Variants in SETD2 observed in about 807,000 individuals in gnomAD.
The protein encoded by SETD2 is SET domain containing 2, histone lysine methyltransferase, also known as histone-lysine N-methyltransferase SETD2.
In SETD2, 31 loss-of-function variants were observed where a neutral mutation model predicts 242.1. The ratio of observed to expected loss-of-function variants is 0.13; its 90% CI spans 0.10 to 0.17. The LOEUF is 0.17. Among genes scored for constraint, SETD2 ranks in the 10% least tolerant of loss-of-function variants. SETD2 has a pLI of 1.00. For synonymous variants in SETD2, 1,006 were observed against 1,066.5 expected, an observed-to-expected ratio of 0.94 and a Z score of 1.11; for missense variants, 2,481 against 3,046.3, an observed-to-expected ratio of 0.81 and a Z score of 4.37.
At chr3:47,070,948 C>CTGG (rs2040793551) in intron 12 of SETD2, among the ~76,000 whole-genome samples, 1 of 152,086 alleles carries the variant, frequency 6.6e-6, no homozygotes, top group Admixed American at 6.6e-5. Flanking sequence ...GTTGCCCAGG[C>CTGG]TGGTCTCAAA....
intron 12 of SETD2, among the ~76,000 whole-genome samples, chr3:47,068,804 G>C (rs1403083897): frequency 6.7e-6 from 1 of 150,272 alleles, no homozygotes; most frequent in East Asian, 2.0e-4. Flanking sequence ...CTATCTTTTT[G>C]TTTTGTTTTG....
chr3:47,048,026 T>C (rs1254403578), intron 15 of SETD2, among the ~76,000 whole-genome samples: 1 of 152,194 alleles, frequency 6.6e-6, no homozygotes, highest in East Asian at 1.9e-4. Context: ...AATAAAGACT[T>C]GTAAGCAACT....
chr3:47,051,713 G>C (rs2039851551), intron 15 of SETD2, among the ~76,000 whole-genome samples: 2 of 150,998 alleles, frequency 1.3e-5, no homozygotes, highest in South Asian at 4.2e-4. Flanking sequence ...AAAAAAGCTA[G>C]TTCGAATTCT....
intron 9 of SETD2, among the ~76,000 whole-genome samples, chr3:47,096,444 T>C (rs977292974): frequency 6.6e-6 from 1 of 152,170 alleles, no homozygotes; most frequent in Non-Finnish European, 1.5e-5. Context: ...TGGTAGCTCA[T>C]GCCTGTAATC....
At chr3:47,045,386 C>T (rs1246343955) in intron 16 of SETD2, among the ~76,000 whole-genome samples, 3 of 151,940 alleles carry the variant, frequency 2.0e-5, no homozygotes, top group South Asian at 2.1e-4. Flanking sequence ...GGCGTGGTGG[C>T]GGGCGCCTGT....
At chr3:47,074,127 T>C (rs2040947426) in intron 12 of SETD2, among the ~76,000 whole-genome samples, 2 of 152,182 alleles carry the variant, frequency 1.3e-5, no homozygotes, top group African/African-American at 4.8e-5. Flanking sequence ...TACAGTAAAA[T>C]AATATGCAGT....
rs200185785 is a variant in SETD2, at chr3:47,122,513, G to A, written c.2123C>T (p.Ser708Phe). ...AAGCATGCATGCTTTGACCAAAGGG[G>A]ATAATTCCGATCCAGTCACACTATC... Reference protein sequence around the residue: ...SDDSVTGSELSPLVKACMLSS... With the variant: ...SDDSVTGSELFPLVKACMLSS... Residue 708 changes from serine (S) to phenylalanine (F), a missense_variant, in exon 3 of 21, where the codon TCC becomes TTC. Around this residue, in one of 17 missense-constraint regions of SETD2, gnomAD observed 1,300 missense variants for 1,259.2 expected, o/e 1.03. Coordinates refer to ENST00000409792, the MANE Select transcript of SETD2 (RefSeq NM_014159.7). The A allele has an allele frequency of 1.7e-5, 28 of 1,614,058 alleles. No individual in the cohort carries two copies. Among genetic ancestry groups the A allele is most frequent in the African/African-American group, 4.0e-5 (3 of 75,050 alleles).
At chr3:47,039,289 A>G (rs999336352) in intron 17 of SETD2, among the ~76,000 whole-genome samples, 17 of 151,636 alleles carry the variant, frequency 1.1e-4, no homozygotes, top group African/African-American at 3.9e-4. Context: ...ATCTCAGCTC[A>G]CTGCAACCTC....
At chr3:47,138,863 T>C (rs1179342387) in intron 1 of SETD2, among the ~76,000 whole-genome samples, 1 of 152,220 alleles carries the variant, frequency 6.6e-6, no homozygotes, top group African/African-American at 2.4e-5. Flanking sequence ...CTAGTTAAGC[T>C]GCTTTTACAC....
intron 16 of SETD2, among the ~76,000 whole-genome samples, chr3:47,043,362 G>A (rs2039371919): frequency 6.6e-6 from 1 of 152,136 alleles, no homozygotes; most frequent in African/African-American, 2.4e-5. Context: ...GACACCAGAG[G>A]ACACTCACAG....
chr3:47,062,198 A>C lies in SETD2; in HGVS notation c.6258T>G (p.Ser2086=), dbSNP rs2107588837. Residue 2086 remains serine (S), a synonymous_variant, in exon 14 of 21, where the codon TCT becomes TCG. Transcript: ENST00000409792. ...GCCTTTTTGTTCCCCGCTCATAGGC[A>C]GAAGAGGGTGGTGAGAGGGAGCTTC... The part of the protein sequence containing the change: ...KRRSSLSPPS[S]AYERGTKRPD... 6.2e-7 allele frequency: 1 copy of C among 1,614,106 alleles called. No individual in the cohort carries two copies. Among genetic ancestry groups the C allele is most frequent in the Non-Finnish European group, 8.5e-7 (1 of 1,180,016 alleles).
At chr3:47,094,806 A>T (rs533828436) in intron 9 of SETD2, among the ~76,000 whole-genome samples, 1 of 152,204 alleles carries the variant, frequency 6.6e-6, no homozygotes, top group Non-Finnish European at 1.5e-5. Context: ...CTTCAAATTC[A>T]TATCTGGAGC....
In SETD2 at chr3:47,120,561, A is replaced by G. The variant is rs369469691; in HGVS notation, c.4075T>C (p.Ser1359Pro). 46 of 1,613,998 alleles carry G rather than the reference A, an allele frequency of 2.9e-5. No individual in the cohort carries two copies. The highest frequency in any genetic ancestry group is 5.0e-5 in the Admixed American group (3 of 59,986). ...ACTGACCCCTTGTCTTTCTGAAGGG[A>G]TAGAAGAAATTTATCGGACTGGTCT... ...FSDQSDKFLL[S>P]LQKDKGSVQA... is the part of the protein sequence containing the mutation. The change falls in exon 3 of 21, where the codon TCC becomes CCC. Residue 1359 changes from serine (S) to proline (P), a missense_variant. Physicochemically the swap from Ser to Pro is moderately conservative, Grantham distance 74 (BLOSUM62 -1). Around this residue, in one of 17 missense-constraint regions of SETD2, gnomAD observed 1,300 missense variants for 1,259.2 expected, o/e 1.03. Coordinates refer to ENST00000409792, the MANE Select transcript of SETD2 (RefSeq NM_014159.7).
chr3:47,145,431 C>T, intron 1 of SETD2: 3 of 320,914 alleles, frequency 9.3e-6, no homozygotes, highest in Non-Finnish European at 2.0e-5. Flanking sequence ...TGCTTTGTTG[C>T]CCAGGCTGGA....
chr3:47,109,701 T>A (rs2042575676), intron 5 of SETD2, among the ~76,000 whole-genome samples: 1 of 152,082 alleles, frequency 6.6e-6, no homozygotes, highest in Admixed American at 6.5e-5. Context: ...AAAGCCTCAT[T>A]TCGGCCAGCC....
chr3:47,153,839 G>A (rs2106832748), intron 1 of SETD2, among the ~76,000 whole-genome samples: 1 of 151,416 alleles, frequency 6.6e-6, no homozygotes, highest in South Asian at 2.1e-4. Flanking sequence ...AGTAAGGCAG[G>A]AATAAAAATT....
At chr3:47,161,160 A>G (rs1697479699) in intron 1 of SETD2, among the ~76,000 whole-genome samples, 1 of 152,138 alleles carries the variant, frequency 6.6e-6, no homozygotes, top group African/African-American at 2.4e-5. Flanking sequence ...CTCAACTTAA[A>G]TCCTACCTTT....
chr3:47,142,382 G>A (rs1375593674), intron 1 of SETD2, among the ~76,000 whole-genome samples: 2 of 151,978 alleles, frequency 1.3e-5, no homozygotes, highest in African/African-American at 2.4e-5. Context: ...GATGGTGTGC[G>A]CCTGTAGTCC....
In SETD2 at chr3:47,016,890, C is replaced by T; in HGVS notation, c.*203G>A. 1 of 562,982 alleles carries T rather than the reference C, an allele frequency of 1.8e-6. No homozygotes were observed. Among genetic ancestry groups the T allele is most frequent in the Non-Finnish European group, 3.2e-6 (1 of 317,066 alleles). 34.9% of individuals were successfully genotyped at this position (562,982 alleles called of 1,614,324 possible). On this transcript the variant is annotated 3_prime_UTR_variant, in exon 21 of 21. Transcript: ENST00000409792. ...ACCTCTGATGGCTTCTAACCACATG[C>T]CAACAGCTCACAACTAGGTAATCAC... is the stretch of plus-strand genomic sequence containing the variant.
Sources: allele counts gnomAD v4.1 joint callset (sites outside exome capture counted in the v4.1 genomes callset), GRCh38; gene constraint gnomAD v4.1.1; regional missense constraint gnomAD v4.1.1; transcripts MANE v1.5; gene names NCBI Gene and HGNC (gene_info 2026-07-23, HGNC 2026-07-21).